Variants in INPP4B observed in about 807,000 individuals in gnomAD.
INPP4B encodes the protein inositol polyphosphate 4-phosphatase type II.
A neutral mutation model predicts 122.5 loss-of-function variants in INPP4B; 55 were observed. The observed-to-expected ratio is 0.45, with a 90% confidence interval of 0.36 to 0.56. The LOEUF is 0.56. INPP4B is among the 20% of genes least tolerant of loss of function. The pLI, the probability that INPP4B is intolerant of heterozygous loss-of-function variation, is 0.00. For synonymous variants in INPP4B, 403 were observed against 388.7 expected, an observed-to-expected ratio of 1.04 and a Z score of -0.43; for missense variants, 1,000 against 1,097.7, an observed-to-expected ratio of 0.91 and a Z score of 1.26.
At chr4:142,045,618 C>T (rs1750931158) in intron 25 of INPP4B, among the ~76,000 whole-genome samples, 1 of 152,022 alleles carries the variant, frequency 6.6e-6, no homozygotes, top group South Asian at 2.1e-4. Flanking sequence ...TAATCTCTTT[C>T]CATTTTTGAC....
intron 7 of INPP4B, among the ~76,000 whole-genome samples, chr4:142,400,978 G>A (rs1035226885): frequency 6.6e-6 from 1 of 152,130 alleles, no homozygotes; most frequent in African/African-American, 2.4e-5. Context: ...CAAGAATTTA[G>A]GGGCAACATT....
At chr4:142,440,938 C>A (rs897646346) in intron 3 of INPP4B, among the ~76,000 whole-genome samples, 1 of 152,076 alleles carries the variant, frequency 6.6e-6, no homozygotes, top group Non-Finnish European at 1.5e-5. Context: ...AAGCACTGTC[C>A]TCATGTTGTC....
At position 142,825,942 on chromosome 4, in the gene INPP4B, C is replaced by T. The variant is rs1781398607; in HGVS notation, c.-254+20267G>A. ...AGAAGAGATCTCAATAACCCTTTGTCTTATCTCGTGTTTTTACAGATGTGG... is the reference window on the plus strand; with the variant it reads ...AGAAGAGATCTCAATAACCCTTTGTTTTATCTCGTGTTTTTACAGATGTGG... On this transcript the variant is annotated intron_variant, in intron 1 of 25. Coordinates refer to ENST00000262992, the MANE Select transcript of INPP4B (RefSeq NM_001101669.3). Among the ~76,000 whole-genome samples the T allele has an allele frequency of 3.3e-5, 5 of 152,176 alleles. No homozygotes were observed. In the South Asian group the frequency reaches 1.0e-3, roughly 32 times the overall value.
intron 2 of INPP4B, chr4:142,660,994 G>T: frequency 6.6e-6 from 1 of 152,444 alleles, no homozygotes; most frequent in Non-Finnish European, 1.5e-5. Flanking sequence ...GACAGCCAGT[G>T]GGAGGGGATT....
At chr4:142,161,481 G>T (rs925121264) in intron 16 of INPP4B, among the ~76,000 whole-genome samples, 5 of 151,792 alleles carry the variant, frequency 3.3e-5, no homozygotes, top group Non-Finnish European at 5.9e-5. Flanking sequence ...TCTTAGGAAG[G>T]GACCCTTTAA....
chr4:142,781,054 C>T (rs1200884106), intron 1 of INPP4B, among the ~76,000 whole-genome samples: 4 of 152,152 alleles, frequency 2.6e-5, no homozygotes, highest in African/African-American at 9.7e-5. Context: ...CAATGCGGTT[C>T]TTTAGGTACA....
chr4:142,524,971 T>C (rs1298060095), intron 2 of INPP4B, among the ~76,000 whole-genome samples: 1 of 152,082 alleles, frequency 6.6e-6, no homozygotes, highest in African/African-American at 2.4e-5. Flanking sequence ...GACGACATGA[T>C]TGTATATCTA....
At chr4:142,429,700 T>C (rs1462423299) in intron 4 of INPP4B, among the ~76,000 whole-genome samples, 1 of 152,072 alleles carries the variant, frequency 6.6e-6, no homozygotes, top group Non-Finnish European at 1.5e-5. Flanking sequence ...TCTGCTAATT[T>C]ATTAATAGCT....
intron 12 of INPP4B, among the ~76,000 whole-genome samples, chr4:142,228,324 T>C (rs961681221): frequency 6.9e-6 from 1 of 145,676 alleles, no homozygotes; most frequent in Non-Finnish European, 1.5e-5. Flanking sequence ...TCAAATATAT[T>C]ACTTTTTTAA....
At position 142,156,152 on chromosome 4, in the gene INPP4B, TA is replaced by T. The variant is rs1308284993; in HGVS notation, c.1563+4205del. 3.3e-5 allele frequency among the ~76,000 whole-genome samples: 5 copies of T among 152,038 alleles called. No homozygotes were observed. In the East Asian group the frequency reaches 9.7e-4, roughly 30 times the overall value. On this transcript the variant is annotated intron_variant, in intron 17 of 25. Transcript: ENST00000262992. Reference sequence around the variant, plus strand: ...ATTAAAAATGGGTTTTGTGTCTGTCTAAATACTAAGAATTGTTTTTCTAGTT... The same window carrying T: ...ATTAAAAATGGGTTTTGTGTCTGTCTAATACTAAGAATTGTTTTTCTAGTT...
chr4:142,200,293 T>G (rs1840104619), intron 14 of INPP4B, among the ~76,000 whole-genome samples: 1 of 151,994 alleles, frequency 6.6e-6, no homozygotes, highest in African/African-American at 2.4e-5. Flanking sequence ...TAGCATGTCA[T>G]TACTTTCTAG....
intron 2 of INPP4B, among the ~76,000 whole-genome samples, chr4:142,632,733 T>A (rs1272173386): frequency 6.6e-6 from 1 of 151,948 alleles, no homozygotes; most frequent in South Asian, 2.1e-4. Context: ...TCTTATATTA[T>A]CAGTAATGGA....
intron 7 of INPP4B, among the ~76,000 whole-genome samples, chr4:142,358,074 G>A (rs530466959): frequency 3.9e-5 from 6 of 152,072 alleles, no homozygotes; most frequent in African/African-American, 1.2e-4. Flanking sequence ...TGTATGTAGA[G>A]ATTTTGTTCA....
chr4:142,422,235 GAAGT>G (rs1807054079), intron 5 of INPP4B, among the ~76,000 whole-genome samples: 3 of 152,152 alleles, frequency 2.0e-5, no homozygotes, highest in South Asian at 4.1e-4. Flanking sequence ...GAAATGATAA[GAAGT>G]AATTAATATA....
chr4:142,167,458 A>G (rs1028907164), intron 16 of INPP4B, among the ~76,000 whole-genome samples: 5 of 151,832 alleles, frequency 3.3e-5, no homozygotes, highest in African/African-American at 1.2e-4. Context: ...TTTAATACCT[A>G]GGTGATGGGT....
intron 11 of INPP4B, among the ~76,000 whole-genome samples, chr4:142,255,541 AG>A (rs1182878128): frequency 1.3e-5 from 2 of 152,164 alleles, no homozygotes; most frequent in Non-Finnish European, 2.9e-5. Context: ...CAAAAAAGGC[AG>A]GGGTTGCAAT....
At chr4:142,196,691 T>C (rs4574489) in intron 14 of INPP4B, among the ~76,000 whole-genome samples, 133,014 of 151,894 alleles carry the variant, frequency 0.88, 59,043 homozygotes, top group East Asian at 0.96. Context: ...TATGAGTGGC[T>C]GGTCGGTTAC....
At chr4:142,586,607 G>A (rs569925925) in intron 2 of INPP4B, among the ~76,000 whole-genome samples, 47 of 152,290 alleles carry the variant, frequency 3.1e-4, no homozygotes, top group African/African-American at 1.1e-3. Context: ...ACAGTTAGGT[G>A]CTGGGGATTA....
chr4:142,643,539 T>G (rs1221186102), intron 2 of INPP4B, among the ~76,000 whole-genome samples: 1 of 152,224 alleles, frequency 6.6e-6, no homozygotes, highest in East Asian at 1.9e-4. Flanking sequence ...TTCACTTTGA[T>G]AAATCATTGA....
Sources: allele counts gnomAD v4.1 joint callset (sites outside exome capture counted in the v4.1 genomes callset), GRCh38; gene constraint gnomAD v4.1.1; transcripts MANE v1.5; gene names NCBI Gene and HGNC (gene_info 2026-07-23, HGNC 2026-07-21).